HMG20A: variants seen among roughly 807,000 people sequenced by gnomAD.
HMG20A encodes high mobility group protein 20A.
In HMG20A, 17 loss-of-function variants were observed where a neutral mutation model predicts 43.9. The ratio of observed to expected loss-of-function variants is 0.39; its 90% CI spans 0.27 to 0.58. The LOEUF is 0.58. Ranked by LOEUF, HMG20A falls within the 20% of genes least tolerant of loss-of-function variation. The probability of loss-of-function intolerance (pLI) is 0.59; values close to 1 mark genes in which losing one functional copy is unlikely to be tolerated. For missense variants in HMG20A, 341 were observed against 438.2 expected (o/e 0.78, Z 1.98); for synonymous variants, 132 against 147.5 (o/e 0.89, Z 0.76).
chr15:77,467,312 T>C lies in HMG20A; in HGVS notation c.450+5T>C. The C allele has an allele frequency of 6.2e-7, 1 of 1,600,992 alleles. No homozygotes were observed. The highest frequency in any genetic ancestry group is 8.6e-7 in the Non-Finnish European group (1 of 1,168,188). ...CTGCCTCCTGAGGAAAAACAGGTAA[T>C]TGTTCCTATTCCTGACTCTTTGTTT... On this transcript the variant is annotated splice_donor_5th_base_variant and intron_variant, in intron 4 of 9. Transcript: ENST00000336216.
intron 6 of HMG20A, 107 bp from the exon 7 acceptor site, chr15:77,477,448 G>A: frequency 1.3e-6 from 1 of 786,422 alleles, no homozygotes; most frequent in Non-Finnish European, 2.1e-6. Context: ...ACTGATTCCT[G>A]CTCACCCTAT....
chr15:77,443,282 C>T (rs902164659), intron 1 of HMG20A, among the ~76,000 whole-genome samples: 14 of 150,760 alleles, frequency 9.3e-5, no homozygotes, highest in African/African-American at 3.4e-4. Flanking sequence ...ATCTGCCCAC[C>T]TCGGCCTCCC....
chr15:77,492,604 G>A, the HMG20A span, among the ~76,000 whole-genome samples: 12 of 151,848 alleles, frequency 7.9e-5, no homozygotes, highest in African/African-American at 2.9e-4. Flanking sequence ...GATTGCATGA[G>A]CTCACAAGTT....
intron 1 of HMG20A, among the ~76,000 whole-genome samples, chr15:77,425,867 T>C (rs1173256998): frequency 6.6e-6 from 1 of 152,146 alleles, no homozygotes; most frequent in Non-Finnish European, 1.5e-5. Flanking sequence ...AAAGGCAAAC[T>C]CAAATGTCCA....
chr15:77,434,199 T>C (rs1019582975), intron 1 of HMG20A, among the ~76,000 whole-genome samples: 4 of 152,244 alleles, frequency 2.6e-5, no homozygotes, highest in East Asian at 1.9e-4. Context: ...AACCCTTACC[T>C]CACAACATAT....
intron 1 of HMG20A, among the ~76,000 whole-genome samples, chr15:77,448,049 A>G (rs530574697): frequency 6.6e-6 from 1 of 152,302 alleles, no homozygotes; most frequent in East Asian, 1.9e-4. Flanking sequence ...AGTTATTTTG[A>G]ACTTAGAAAC....
downstream of HMG20A, among the ~76,000 whole-genome samples, chr15:77,488,554 G>T (rs2072957174): frequency 6.6e-6 from 1 of 152,046 alleles, no homozygotes; most frequent in Non-Finnish European, 1.5e-5. Flanking sequence ...GTCAGGGTGG[G>T]GGATCAGTAT....
At chr15:77,470,568 C>G (rs1171385337) in intron 4 of HMG20A, among the ~76,000 whole-genome samples, 1 of 152,142 alleles carries the variant, frequency 6.6e-6, no homozygotes, top group African/African-American at 2.4e-5. Flanking sequence ...ATGAGGATGA[C>G]TCTAGTGGCC....
the HMG20A span, among the ~76,000 whole-genome samples, chr15:77,516,001 T>A: frequency 6.6e-6 from 1 of 152,028 alleles, no homozygotes; most frequent in Non-Finnish European, 1.5e-5. Context: ...GTTGCAGATG[T>A]GGAGTTGGGC....
chr15:77,474,905 C>A lies in HMG20A; in HGVS notation c.616-2650C>A, dbSNP rs894068345. Among the ~76,000 whole-genome samples, 17 of 152,204 alleles carry A rather than the reference C, an allele frequency of 1.1e-4. No individual in the cohort carries two copies. In the South Asian group the frequency reaches 1.2e-3, roughly 11 times the overall value. On this transcript the variant is annotated intron_variant, in intron 6 of 9. Transcript: ENST00000336216. ...AGGGCCTCTTTTCTCTTAACCTCCA[C>A]TCAATATATAGAATGGAAACCAAAG...
the HMG20A span, among the ~76,000 whole-genome samples, chr15:77,511,983 A>T: frequency 6.6e-6 from 1 of 152,250 alleles, no homozygotes; most frequent in Non-Finnish European, 1.5e-5. Context: ...CATTATTCAC[A>T]AGAGCCAAAA....
rs115445378 is a variant in HMG20A at position 77,449,250 on chromosome 15, T to A, written c.-4-9154T>A. Among the ~76,000 whole-genome samples the A allele has an allele frequency of 4.3e-3, 646 of 151,804 alleles. 1 individual carries two copies. Among genetic ancestry groups the A allele is most frequent in the African/African-American group, 0.013 (552 of 41,384 alleles). ...GCCTCTCCCTACCTCAACCCTCCCC[T>A]AAAACCTAAGTACTTAATTACTCCT... On this transcript the variant is annotated intron_variant, in intron 1 of 9. Coordinates refer to ENST00000336216, the MANE Select transcript of HMG20A (RefSeq NM_001304504.2).
At chr15:77,514,938 C>T in the HMG20A span, among the ~76,000 whole-genome samples, 775 of 152,184 alleles carry the variant, frequency 5.1e-3, 8 homozygotes, top group African/African-American at 0.018. Flanking sequence ...GATGATAAAT[C>T]GTAGGTGGGG....
chr15:77,478,641 T>G, intron 8 of HMG20A, 131 bp downstream of exon 8: 1 of 705,422 alleles, frequency 1.4e-6, no homozygotes, highest in Non-Finnish European at 2.4e-6. Flanking sequence ...AAACTACATT[T>G]TTTCTTCTCT....
At position 77,420,921 on chromosome 15, in the gene HMG20A, G is replaced by A. The variant is rs1477624804; in HGVS notation, c.-88G>A. 1.3e-5 allele frequency: 5 copies of A among 398,656 alleles called. No homozygotes were observed. Among genetic ancestry groups the A allele is most frequent in the Non-Finnish European group, 1.8e-5 (4 of 226,146 alleles). 24.7% of individuals were successfully genotyped at this position (398,656 alleles called of 1,614,324 possible). A position where few individuals can be genotyped will look rare whatever the true frequency, so the allele number is the denominator to read the frequency against. ...GACGACGAGTGCGTGAAGTGAAGGC[G>A]ATTGAGAGGGGCTGAGGGAATTGTC... On this transcript the variant is annotated 5_prime_UTR_variant, in exon 1 of 10. Transcript: ENST00000336216.
chr15:77,495,218 C>A, the HMG20A span, among the ~76,000 whole-genome samples: 7 of 152,318 alleles, frequency 4.6e-5, no homozygotes, highest in African/African-American at 1.7e-4. Context: ...AAGGAGCAAG[C>A]AGCTGACTCC....
At chr15:77,458,336 T>A in intron 1 of HMG20A, 68 bp from the exon 2 acceptor site, 1 of 1,017,812 alleles carries the variant, frequency 9.8e-7, no homozygotes, top group Non-Finnish European at 1.5e-6. Context: ...GGCTGGCTCT[T>A]AAATTAGTGG....
chr15:77,508,940 C>A, the HMG20A span, among the ~76,000 whole-genome samples: 3 of 152,198 alleles, frequency 2.0e-5, no homozygotes, highest in Non-Finnish European at 2.9e-5. Flanking sequence ...CCCAACCCTG[C>A]AGGGAGGAGC....
rs115563752 is a variant in HMG20A at position 77,435,045 on chromosome 15, G to A, written c.-5+14041G>A. 6.3e-3 allele frequency among the ~76,000 whole-genome samples: 962 copies of A among 152,142 alleles called. 13 individuals carry two copies. Among genetic ancestry groups the A allele is most frequent in the African/African-American group, 0.022 (912 of 41,502 alleles). ...TCACCAAGCATAATATCGAGCAAAA[G>A]AAGCCAGATAAGTGCATGTAAGTAC... On this transcript the variant is annotated intron_variant, in intron 1 of 9. Coordinates refer to ENST00000336216, the MANE Select transcript of HMG20A (RefSeq NM_001304504.2).
Sources: gnomAD v4.1 joint callset for allele counts (sites outside exome capture counted in the v4.1 genomes callset) on GRCh38, gnomAD v4.1.1 for gene constraint, MANE v1.5 for transcripts, NCBI Gene and HGNC (gene_info 2026-07-23, HGNC 2026-07-21) for gene names.